SI: variants seen among roughly 807,000 people sequenced by gnomAD.
The protein encoded by SI is sucrase-isomaltase.
SI carries 235 observed loss-of-function variants against 253.3 expected under a neutral mutation model. That is an observed-to-expected ratio of 0.93 (90% CI 0.83 to 1.03). The LOEUF is 1.03. Among genes scored for constraint, SI ranks in the 50% least tolerant of loss-of-function variants. The pLI is 0.00. For synonymous variants in SI, 819 were observed against 712.0 expected (o/e 1.15, Z -2.39); for missense variants, 2,442 against 2,211.1 (o/e 1.10, Z -2.09).
intron 37 of SI, among the ~76,000 whole-genome samples, chr3:165,005,538 T>A (rs73163448): frequency 6.6e-6 from 1 of 152,088 alleles, no homozygotes; most frequent in Non-Finnish European, 1.5e-5. Context: ...GTGATTATAA[T>A]ATGTAGTCAA....
At chr3:165,048,337 T>G (rs1713234045) in intron 15 of SI, among the ~76,000 whole-genome samples, 1 of 151,698 alleles carries the variant, frequency 6.6e-6, no homozygotes, top group East Asian at 1.9e-4. Context: ...TAAAAATGTA[T>G]TAGAAAATTA....
chr3:164,986,325 GCTATAAA>G (rs1347210252), intron 45 of SI, among the ~76,000 whole-genome samples: 1 of 152,116 alleles, frequency 6.6e-6, no homozygotes. Context: ...CCCAAAGCTA[GCTATAAA>G]GCCTAGAAAT....
chr3:164,999,756 A>G (rs1393013539), intron 37 of SI, among the ~76,000 whole-genome samples: 1 of 151,694 alleles, frequency 6.6e-6, no homozygotes, highest in Non-Finnish European at 1.5e-5. Flanking sequence ...TAGCTCAAGA[A>G]AGTTCGGAAT....
Position 165,059,282 on chromosome 3 carries a change from A to G in SI, c.1164T>C (p.Asp388=), listed in dbSNP as rs781765075. The change falls in exon 11 of 48, where the codon GAT becomes GAC. Residue 388 remains aspartate, a synonymous_variant. Transcript: ENST00000264382. ...AGIPFDTQVT[D]IDYMEDKKDF... ...CTTTCTTGTCTTCCATGTAGTCAAT[A>G]TCAGTGACCTGTGTATCCTGAAAGT... The G allele has an allele frequency of 3.1e-6, 5 of 1,612,556 alleles. No homozygotes were observed. Among genetic ancestry groups the G allele is most frequent in the Admixed American group, 3.3e-5 (2 of 59,862 alleles).
chr3:165,021,523 C>A, intron 26 of SI, 140 bp from the exon 27 acceptor site: 1 of 695,426 alleles, frequency 1.4e-6, no homozygotes, highest in Non-Finnish European at 2.5e-6. Context: ...ATTCATGGTC[C>A]ATATAACCAT....
Position 165,039,988 on chromosome 3 carries a change from T to G in SI, c.2160-17A>C. Reference sequence around the variant, plus strand: ...TCATAAAACCTAAGAACAATGACAATGTTTAAAGTATAATAATGAAAAAAT... The same window carrying G: ...TCATAAAACCTAAGAACAATGACAAGGTTTAAAGTATAATAATGAAAAAAT... On this transcript the variant is annotated splice_polypyrimidine_tract_variant and intron_variant, in intron 18 of 47. Coordinates refer to ENST00000264382, the MANE Select transcript of SI (RefSeq NM_001041.4). The G allele has an allele frequency of 6.3e-7, 1 of 1,584,068 alleles. No homozygotes were observed.
At chr3:164,989,398 AAGAAAGAAAGAAAG>A (rs1717611650) in intron 44 of SI, among the ~76,000 whole-genome samples, 1 of 144,134 alleles carries the variant, frequency 6.9e-6, no homozygotes, top group Admixed American at 6.9e-5. Flanking sequence ...GGAAGAAAGA[AAGAAAGAAAGAAAG>A]AAAGAAAGAA....
intron 37 of SI, among the ~76,000 whole-genome samples, chr3:165,002,263 A>C (rs1718288863): frequency 6.6e-6 from 1 of 151,766 alleles, no homozygotes; most frequent in African/African-American, 2.4e-5. Flanking sequence ...ATTTCAATAC[A>C]ACATTGAATT....
intron 19 of SI, among the ~76,000 whole-genome samples, chr3:165,039,525 G>T (rs939977408): frequency 3.9e-5 from 6 of 151,916 alleles, no homozygotes; most frequent in South Asian, 2.1e-4. Context: ...TCTGATCAGC[G>T]AGTTTTCCAG....
At chr3:165,083,070 A>G (rs1211697287), upstream of SI, among the ~76,000 whole-genome samples, 2 of 151,962 alleles carry the variant, frequency 1.3e-5, no homozygotes, top group South Asian at 2.1e-4. Context: ...TAAAACAGCA[A>G]CATACTCAAA....
Position 165,049,442 on chromosome 3 carries a change from G to T in SI, c.1598-198C>A, listed in dbSNP as rs180698914. 3.1e-3 allele frequency among the ~76,000 whole-genome samples: 477 copies of T among 151,970 alleles called. 6 individuals are homozygous for T. The highest frequency in any genetic ancestry group is 0.011 in the South Asian group (54 of 4,808). On this transcript the variant is annotated intron_variant, in intron 14 of 47. Transcript: ENST00000264382. ...TCATCTTTCACTCTTGCTAAACTTGGATTAACTATTAGATTTATATTTACA... is the reference window on the plus strand; with the variant it reads ...TCATCTTTCACTCTTGCTAAACTTGTATTAACTATTAGATTTATATTTACA...
the SI span, among the ~76,000 whole-genome samples, chr3:165,087,034 A>T: frequency 1.3e-5 from 2 of 152,198 alleles, no homozygotes; most frequent in Non-Finnish European, 2.9e-5. Context: ...CCTACAGAGC[A>T]AAGGCCTTAG....
At chr3:165,013,536 A>G (rs1012478307) in intron 33 of SI, among the ~76,000 whole-genome samples, 1 of 151,986 alleles carries the variant, frequency 6.6e-6, no homozygotes, top group South Asian at 2.1e-4. Context: ...TCATCCCACC[A>G]CTATTCCCAG....
intron 35 of SI, 101 bp from the exon 36 acceptor site, chr3:165,008,099 C>T: frequency 1.5e-6 from 1 of 647,826 alleles, no homozygotes; most frequent in Admixed American, 2.1e-5. Flanking sequence ...CATATTTGAA[C>T]AATGTTATAT....
At chr3:165,063,065 T>TA (rs910794117) in intron 8 of SI, among the ~76,000 whole-genome samples, 7 of 151,894 alleles carry the variant, frequency 4.6e-5, no homozygotes, top group Admixed American at 6.6e-5. Flanking sequence ...TATGATAAAC[T>TA]AAAAAAAATA....
intron 37 of SI, among the ~76,000 whole-genome samples, chr3:165,000,707 A>T (rs1718219535): frequency 6.6e-6 from 1 of 151,444 alleles, no homozygotes; most frequent in Non-Finnish European, 1.5e-5. Context: ...CTAAAGATAT[A>T]AAGTTCAAAC....
In SI at chr3:165,065,446, G is replaced by A. The variant is rs746808951; in HGVS notation, c.636-14C>T. ...CTGGTGTCAAACCTGCACCATAAAA[G>A]AAATAAAGAAATAATCTAATATATA... is the stretch of plus-strand genomic sequence containing the variant. On this transcript the variant is annotated splice_polypyrimidine_tract_variant and intron_variant, in intron 6 of 47. Transcript: ENST00000264382. 6.4e-5 allele frequency: 54 copies of A among 843,332 alleles called. No homozygotes were observed. In the Middle Eastern group the frequency reaches 1.3e-3, roughly 20 times the overall value. The allele number at this position is 843,332 out of a possible 1,614,324, so 52.2% of individuals were successfully genotyped here.
intron 27 of SI, among the ~76,000 whole-genome samples, chr3:165,020,716 T>C (rs960576556): frequency 2.6e-5 from 4 of 151,550 alleles, no homozygotes; most frequent in Non-Finnish European, 5.9e-5. Context: ...AGTTTATAGA[T>C]CTTTTGAATA....
upstream of SI, among the ~76,000 whole-genome samples, chr3:165,083,038 G>T (rs1715391498): frequency 6.6e-6 from 1 of 151,904 alleles, no homozygotes; most frequent in Non-Finnish European, 1.5e-5. Flanking sequence ...ACAAAATCAT[G>T]CTAGGGATAT....
Sources: gnomAD v4.1 joint callset for allele counts (sites outside exome capture counted in the v4.1 genomes callset) on GRCh38, gnomAD v4.1.1 for gene constraint, MANE v1.5 for transcripts, NCBI Gene and HGNC (gene_info 2026-07-23, HGNC 2026-07-21) for gene names.